ACSM1: variants seen among roughly 807,000 people sequenced by gnomAD.
ACSM1 encodes the protein acyl-coenzyme A synthetase ACSM1, mitochondrial.
ACSM1 carries 79 observed loss-of-function variants against 75.8 expected under a neutral mutation model. The ratio of observed to expected loss-of-function variants is 1.04; its 90% CI spans 0.87 to 1.26. ACSM1 has a LOEUF of 1.26. Ranked by LOEUF, ACSM1 falls within the 50% of genes most tolerant of loss-of-function variation. The pLI, the probability that ACSM1 is intolerant of heterozygous loss-of-function variation, is 0.00. For synonymous variants in ACSM1, 279 were observed against 265.8 expected, an observed-to-expected ratio of 1.05 and a Z score of -0.48; for missense variants, 676 against 720.1, an observed-to-expected ratio of 0.94 and a Z score of 0.70.
intron 3 of ACSM1, among the ~76,000 whole-genome samples, chr16:20,684,594 G>A (rs73530583): frequency 0.016 from 2,379 of 152,234 alleles, 60 homozygotes; most frequent in African/African-American, 0.054. Flanking sequence ...AATACAACTT[G>A]CATTCTTCAA....
chr16:20,659,727 C>A (rs1054832953), intron 7 of ACSM1, among the ~76,000 whole-genome samples: 1 of 152,104 alleles, frequency 6.6e-6, no homozygotes, highest in African/African-American at 2.4e-5. Flanking sequence ...CAACTAAGAA[C>A]CAGGCACCCC....
At chr16:20,631,634 G>A (rs936077087) in intron 10 of ACSM1, among the ~76,000 whole-genome samples, 1 of 152,144 alleles carries the variant, frequency 6.6e-6, no homozygotes, top group Non-Finnish European at 1.5e-5. Flanking sequence ...ATCAACCAAT[G>A]AGTGGATACA....
intron 8 of ACSM1, among the ~76,000 whole-genome samples, chr16:20,637,899 A>G (rs1162414240): frequency 6.6e-6 from 1 of 152,190 alleles, no homozygotes; most frequent in African/African-American, 2.4e-5. Flanking sequence ...TCCTGATGCC[A>G]ACTTTTCCCC....
intron 12 of ACSM1, 45 bp downstream of exon 12, chr16:20,625,377 TC>T: frequency 1.3e-6 from 2 of 1,584,352 alleles, no homozygotes; most frequent in Non-Finnish European, 1.7e-6. Context: ...GCACCTGCTT[TC>T]CTAGTGCCCA....
intron 2 of ACSM1, among the ~76,000 whole-genome samples, 181 bp from the exon 3 acceptor site, chr16:20,685,584 G>A (rs900665067): frequency 6.6e-6 from 1 of 152,028 alleles, no homozygotes; most frequent in South Asian, 2.1e-4. Context: ...TACTTTAGGA[G>A]GTGGAGGCAG....
intron 4 of ACSM1, among the ~76,000 whole-genome samples, chr16:20,676,846 G>A (rs975873428): frequency 4.6e-5 from 7 of 151,972 alleles, no homozygotes; most frequent in African/African-American, 1.7e-4. Context: ...ATAAAATAAG[G>A]AGAATGGTCA....
At chr16:20,652,780 A>G (rs1360879054) in intron 7 of ACSM1, among the ~76,000 whole-genome samples, 4 of 152,198 alleles carry the variant, frequency 2.6e-5, no homozygotes, top group Admixed American at 2.6e-4. Context: ...CAACCAAAAA[A>G]GGCCCAGGAC....
chr16:20,644,406 T>A (rs1009784827), intron 7 of ACSM1, among the ~76,000 whole-genome samples: 2 of 152,174 alleles, frequency 1.3e-5, no homozygotes, highest in African/African-American at 4.8e-5. Flanking sequence ...CATTAACCAC[T>A]GAAAATTCCC....
At chr16:20,638,422 T>C (rs900262613) in intron 8 of ACSM1, among the ~76,000 whole-genome samples, 1 of 152,208 alleles carries the variant, frequency 6.6e-6, no homozygotes, top group Non-Finnish European at 1.5e-5. Context: ...TTATTTTTGT[T>C]TGTCTGTTTC....
intron 4 of ACSM1, among the ~76,000 whole-genome samples, chr16:20,677,732 A>G (rs551379023): frequency 3.3e-5 from 5 of 152,326 alleles, no homozygotes; most frequent in African/African-American, 1.2e-4. Context: ...CTTTGCCTAC[A>G]GAAACTTCTG....
intron 2 of ACSM1, among the ~76,000 whole-genome samples, chr16:20,688,739 C>T (rs887034906): frequency 1.3e-5 from 2 of 151,792 alleles, no homozygotes; most frequent in Non-Finnish European, 2.9e-5. Context: ...GTTCACTATC[C>T]CTAGACTTGC....
At chr16:20,675,284 G>A (rs1238344632) in intron 4 of ACSM1, among the ~76,000 whole-genome samples, 2 of 152,148 alleles carry the variant, frequency 1.3e-5, no homozygotes, top group African/African-American at 4.8e-5. Context: ...TGAAAGAGAC[G>A]GTCTCAGGAG....
intron 4 of ACSM1, among the ~76,000 whole-genome samples, chr16:20,673,808 A>G (rs1359058966): frequency 6.6e-6 from 1 of 152,214 alleles, no homozygotes; most frequent in African/African-American, 2.4e-5. Context: ...ATAAGACTTT[A>G]GGTTTCCCAC....
intron 6 of ACSM1, 151 bp downstream of exon 6, chr16:20,669,676 G>A (rs1373708190): frequency 1.4e-6 from 1 of 724,822 alleles, no homozygotes; most frequent in African/African-American, 1.8e-5. Flanking sequence ...TAGTGACTCA[G>A]ACTCAGTGCA....
At chr16:20,638,706 T>C (rs2017881401) in intron 8 of ACSM1, among the ~76,000 whole-genome samples, 1 of 152,220 alleles carries the variant, frequency 6.6e-6, no homozygotes, top group East Asian at 1.9e-4. Flanking sequence ...AAGCTGTAAT[T>C]GGCAGAGCTG....
intron 5 of ACSM1, among the ~76,000 whole-genome samples, chr16:20,671,194 C>G (rs913491875): frequency 6.6e-6 from 1 of 152,146 alleles, no homozygotes; most frequent in South Asian, 2.1e-4. Context: ...AATTATGGAA[C>G]CACTGTCAGG....
intron 7 of ACSM1, among the ~76,000 whole-genome samples, chr16:20,644,546 C>A (rs995054608): frequency 8.2e-6 from 1 of 122,508 alleles, no homozygotes; most frequent in East Asian, 3.3e-4. Flanking sequence ...GGAACACACA[C>A]ACACACACAC....
chr16:20,672,960 CAT>C (rs1364289195), intron 4 of ACSM1, among the ~76,000 whole-genome samples: 3 of 137,364 alleles, frequency 2.2e-5, no homozygotes, highest in Admixed American at 7.5e-5. Context: ...TATTATATCT[CAT>C]ATATAAAATT....
intron 10 of ACSM1, among the ~76,000 whole-genome samples, chr16:20,627,864 GTATACATATA>G (rs2017057135): frequency 1.3e-4 from 6 of 46,382 alleles, no homozygotes; most frequent in Admixed American, 2.7e-4. Context: ...CTCTCTGTAT[GTATACATATA>G]TATATATATA....
Sources: allele counts gnomAD v4.1 joint callset (sites outside exome capture counted in the v4.1 genomes callset), GRCh38; gene constraint gnomAD v4.1.1; transcripts MANE v1.5; gene names NCBI Gene and HGNC (gene_info 2026-07-23, HGNC 2026-07-21).